The following ARL15 variants were observed in gnomAD, a reference collection of about 807,000 sequenced individuals.
ARL15 encodes ADP-ribosylation factor-like protein 15.
Under a neutral mutation model 25.2 loss-of-function variants are expected in ARL15, and 19 were observed. That is an observed-to-expected ratio of 0.75 (90% CI 0.53 to 1.10). The LOEUF is 1.10. Ranked by LOEUF, ARL15 falls within the 50% of genes least tolerant of loss-of-function variation. The pLI is 0.00. For missense variants in ARL15, 220 were observed against 246.0 expected, an observed-to-expected ratio of 0.89 and a Z score of 0.71; for synonymous variants, 94 against 86.8, an observed-to-expected ratio of 1.08 and a Z score of -0.46.
chr5:54,101,071 A>G (rs1238978249), intron 4 of ARL15, among the ~76,000 whole-genome samples: 2 of 152,104 alleles, frequency 1.3e-5, no homozygotes, highest in African/African-American at 4.8e-5. Context: ...CTTAATTGAC[A>G]GAGGATGGAT....
intron 3 of ARL15, 175 bp downstream of exon 3, chr5:54,154,405 C>T: frequency 1.9e-6 from 1 of 526,590 alleles, no homozygotes; most frequent in Non-Finnish European, 3.3e-6. Flanking sequence ...TAGAACTCTT[C>T]AACAATTTTT....
chr5:54,225,805 TACAG>T (rs1431381956), intron 1 of ARL15, among the ~76,000 whole-genome samples: 2 of 151,936 alleles, frequency 1.3e-5, no homozygotes, highest in Non-Finnish European at 2.9e-5. Flanking sequence ...AGGCTGGAAA[TACAG>T]ACAAAGGTTC....
intron 4 of ARL15, among the ~76,000 whole-genome samples, chr5:54,043,005 C>G (rs758710290): frequency 6.6e-6 from 1 of 152,166 alleles, no homozygotes; most frequent in Non-Finnish European, 1.5e-5. Flanking sequence ...TACACAAAGG[C>G]ATCATGGCAC....
At chr5:54,108,754 C>A (rs1752657056) in intron 4 of ARL15, among the ~76,000 whole-genome samples, 2 of 151,756 alleles carry the variant, frequency 1.3e-5, no homozygotes, top group Non-Finnish European at 2.9e-5. Context: ...TCTGTCTGAT[C>A]CTTTGTAGAA....
intron 4 of ARL15, among the ~76,000 whole-genome samples, chr5:53,900,836 T>A (rs1745042104): frequency 6.6e-6 from 1 of 152,196 alleles, no homozygotes; most frequent in African/African-American, 2.4e-5. Flanking sequence ...ATTACACATA[T>A]GCCTACGGGC....
At chr5:54,220,149 G>C (rs1276639332) in intron 1 of ARL15, among the ~76,000 whole-genome samples, 1 of 152,074 alleles carries the variant, frequency 6.6e-6, no homozygotes, top group African/African-American at 2.4e-5. Flanking sequence ...ACAATGCCTA[G>C]TTATTTATGT....
Position 53,897,437 on chromosome 5 carries a change from G to A in ARL15, c.463-10724C>T, listed in dbSNP as rs547607330. ...GTATCAATACTTCATCCCTTTTTACGGCTGAATAATATTCCACTGTGTGGA... is the reference window on the plus strand; with the variant it reads ...GTATCAATACTTCATCCCTTTTTACAGCTGAATAATATTCCACTGTGTGGA... On this transcript the variant is annotated intron_variant, in intron 4 of 4. Coordinates refer to ENST00000504924, the MANE Select transcript of ARL15 (RefSeq NM_019087.3). Among the ~76,000 whole-genome samples, 29 of 152,182 alleles carry A rather than the reference G, an allele frequency of 1.9e-4. 1 individual carries two copies. The South Asian group carries it at 4.1e-3, about 22-fold the overall frequency.
At chr5:53,960,099 A>G (rs1747312601) in intron 4 of ARL15, among the ~76,000 whole-genome samples, 1 of 152,176 alleles carries the variant, frequency 6.6e-6, no homozygotes, top group Non-Finnish European at 1.5e-5. Flanking sequence ...TATAAGTTTG[A>G]AAGTCAAAGG....
chr5:54,157,324 CTT>C (rs1212216946), intron 2 of ARL15, among the ~76,000 whole-genome samples: 2 of 152,200 alleles, frequency 1.3e-5, no homozygotes, highest in Non-Finnish European at 2.9e-5. Context: ...CTGTTATTGT[CTT>C]TAAATTCTTG....
At chr5:54,208,394 A>G (rs145754304) in intron 1 of ARL15, among the ~76,000 whole-genome samples, 4 of 152,070 alleles carry the variant, frequency 2.6e-5, no homozygotes, top group Admixed American at 6.6e-5. Context: ...ACATATATAC[A>G]TGCACATGCG....
chr5:54,206,465 G>A (rs10513040), intron 1 of ARL15, among the ~76,000 whole-genome samples: 5,945 of 152,236 alleles, frequency 0.039, 185 homozygotes, highest in East Asian at 0.14. Flanking sequence ...AAAGAACAGG[G>A]TGCCTCTTAA....
chr5:53,990,237 A>AC (rs11446667), intron 4 of ARL15, among the ~76,000 whole-genome samples: 1 of 98,206 alleles, frequency 1.0e-5, no homozygotes, highest in Non-Finnish European at 2.2e-5. Flanking sequence ...TGTCTCTAAA[A>AC]AAAAAATAGT....
intron 1 of ARL15, among the ~76,000 whole-genome samples, chr5:54,302,328 C>T (rs955723975): frequency 6.6e-5 from 10 of 152,218 alleles, no homozygotes; most frequent in Non-Finnish European, 1.5e-4. Flanking sequence ...CTGATCCTGA[C>T]CCTGACCCTC....
At position 54,261,166 on chromosome 5, in the gene ARL15, G is replaced by A. The variant is rs111890497; in HGVS notation, c.48+49266C>T. ...AGACACATGGTACAACTGGTCATTA[G>A]CAAGACAGCATTGCCTGCCACATCC... On this transcript the variant is annotated intron_variant, in intron 1 of 4. Transcript: ENST00000504924. Among the ~76,000 whole-genome samples the A allele has an allele frequency of 4.0e-3, 605 of 152,224 alleles. 4 individuals carry two copies. The highest frequency in any genetic ancestry group is 0.014 in the African/African-American group (578 of 41,542).
intron 4 of ARL15, among the ~76,000 whole-genome samples, chr5:54,006,778 T>C (rs1365254854): frequency 2.6e-5 from 4 of 152,082 alleles, no homozygotes; most frequent in Non-Finnish European, 4.4e-5. Context: ...CCAGCTTGAG[T>C]GCATTGTCCA....
chr5:54,257,231 C>T (rs1407777165), intron 1 of ARL15, among the ~76,000 whole-genome samples: 1 of 152,118 alleles, frequency 6.6e-6, no homozygotes, highest in African/African-American at 2.4e-5. Context: ...CTGCTATACA[C>T]AAAAAACGAC....
intron 4 of ARL15, among the ~76,000 whole-genome samples, chr5:53,976,984 G>C (rs1403467181): frequency 1.3e-5 from 2 of 152,152 alleles, no homozygotes; most frequent in Non-Finnish European, 2.9e-5. Context: ...TAATTACCAA[G>C]AGACTAACAA....
At chr5:53,994,655 C>G (rs1222626273) in intron 4 of ARL15, among the ~76,000 whole-genome samples, 1 of 152,144 alleles carries the variant, frequency 6.6e-6, no homozygotes, top group Non-Finnish European at 1.5e-5. Flanking sequence ...CATGTCTGAA[C>G]TGACTTTGCT....
intron 4 of ARL15, among the ~76,000 whole-genome samples, chr5:53,943,244 G>C (rs1480929955): frequency 6.6e-6 from 1 of 152,176 alleles, no homozygotes; most frequent in African/African-American, 2.4e-5. Context: ...GATGATGCCA[G>C]AAAGAAAATG....
Sources: allele counts gnomAD v4.1 joint callset (sites outside exome capture counted in the v4.1 genomes callset), GRCh38; gene constraint gnomAD v4.1.1; transcripts MANE v1.5; gene names NCBI Gene and HGNC (gene_info 2026-07-23, HGNC 2026-07-21).